Variants in TBC1D19 observed in about 807,000 individuals in gnomAD.
The protein encoded by TBC1D19 is TBC1 domain family member 19, also known as TBC1 domain family, member 19.
TBC1D19 carries 60 observed loss-of-function variants against 89.0 expected under a neutral mutation model. The observed-to-expected ratio is 0.67, with a 90% CI of 0.55 to 0.84. The LOEUF (loss-of-function observed/expected upper bound fraction) is 0.84. Among genes scored for constraint, TBC1D19 ranks in the 40% least tolerant of loss-of-function variants. The pLI is 0.00. For missense variants in TBC1D19, 500 were observed against 610.8 expected (o/e 0.82, Z 1.91); for synonymous variants, 189 against 199.7 (o/e 0.95, Z 0.45).
rs1741553460 is a variant in TBC1D19 at position 26,614,427 on chromosome 4, G to A, written c.192G>A (p.Gln64=). 6.3e-7 allele frequency: 1 copy of A among 1,593,394 alleles called. No individual in the cohort carries two copies. Among genetic ancestry groups the A allele is most frequent in the African/African-American group, 1.3e-5 (1 of 74,484 alleles). The change falls in exon 3 of 21, where the codon CAG becomes CAA. Residue 64 remains glutamine (Q), a synonymous_variant. Coordinates refer to ENST00000264866, the MANE Select transcript of TBC1D19 (RefSeq NM_018317.4). ...FKISGWEKKL[Q]NAVYSELSVF... ...AAACAGGTTGGGAGAAGAAACTTCA[G>A]AATGCTGTTTATAGTGAACTGAGTG...
chr4:26,687,376 T>C (rs1713902188), intron 12 of TBC1D19, among the ~76,000 whole-genome samples: 1 of 152,176 alleles, frequency 6.6e-6, no homozygotes, highest in Admixed American at 6.6e-5. Context: ...CAGCTAAAAG[T>C]AGTGGAACTG....
chr4:26,591,697 A>G (rs1423346878), intron 1 of TBC1D19, among the ~76,000 whole-genome samples: 3 of 152,202 alleles, frequency 2.0e-5, no homozygotes, highest in African/African-American at 7.2e-5. Context: ...CCATCAGAGA[A>G]TACTATAAAC....
intron 18 of TBC1D19, among the ~76,000 whole-genome samples, chr4:26,747,154 T>C (rs1234896499): frequency 6.6e-6 from 1 of 152,212 alleles, no homozygotes; most frequent in Non-Finnish European, 1.5e-5. Flanking sequence ...TGACTATACA[T>C]AAATTATAGC....
chr4:26,711,869 G>A (rs1186884106), intron 13 of TBC1D19, among the ~76,000 whole-genome samples: 1 of 152,008 alleles, frequency 6.6e-6, no homozygotes, highest in African/African-American at 2.4e-5. Context: ...AATAAGAGTT[G>A]GCAGCTCTTT....
At chr4:26,671,670 T>G (rs1712323098) in intron 9 of TBC1D19, among the ~76,000 whole-genome samples, 1 of 151,990 alleles carries the variant, frequency 6.6e-6, no homozygotes, top group Non-Finnish European at 1.5e-5. Context: ...TTAGATATGC[T>G]TTTATTAGAT....
rs376185140 is a variant in TBC1D19, at chr4:26,592,899, A to C, written c.99+8607A>C. On this transcript the variant is annotated intron_variant, in intron 1 of 20. Coordinates refer to ENST00000264866, the MANE Select transcript of TBC1D19 (RefSeq NM_018317.4). ...GGGTGGGAAGAATCAATATCATGAA[A>C]ATGGCCATACTGCCCAAGGTAATTT... Among the ~76,000 whole-genome samples the C allele has an allele frequency of 1.1e-3, 162 of 152,326 alleles. 1 individual carries two copies. The East Asian group carries it at 0.027, about 26-fold the overall frequency.
At chr4:26,607,915 A>T (rs1413985490) in intron 1 of TBC1D19, among the ~76,000 whole-genome samples, 1 of 152,196 alleles carries the variant, frequency 6.6e-6, no homozygotes, top group Non-Finnish European at 1.5e-5. Flanking sequence ...CAAGTGATGA[A>T]CCTTAATGCA....
chr4:26,854,873 G>A, the TBC1D19 span, among the ~76,000 whole-genome samples: 26 of 152,170 alleles, frequency 1.7e-4, no homozygotes, highest in Non-Finnish European at 2.9e-5. Flanking sequence ...CTGCTGTTCA[G>A]GGATCTGGCT....
chr4:26,679,353 A>G (rs933230555), intron 11 of TBC1D19, among the ~76,000 whole-genome samples: 5 of 152,208 alleles, frequency 3.3e-5, no homozygotes, highest in African/African-American at 4.8e-5. Context: ...ACTGCTTCAG[A>G]GGGTGCAAGC....
intron 12 of TBC1D19, among the ~76,000 whole-genome samples, chr4:26,688,016 G>GTT (rs745381325): frequency 2.6e-5 from 4 of 152,124 alleles, no homozygotes; most frequent in Non-Finnish European, 5.9e-5. Flanking sequence ...GGGCCAGATC[G>GTT]TTATGGTTGC....
At chr4:26,592,692 T>C (rs1334139644) in intron 1 of TBC1D19, among the ~76,000 whole-genome samples, 1 of 149,464 alleles carries the variant, frequency 6.7e-6, no homozygotes, top group Middle Eastern at 3.4e-3. Context: ...TATACACCAA[T>C]AACAGACAAA....
chr4:26,583,866 C>T (rs371369730), upstream of TBC1D19: 38 of 325,120 alleles, frequency 1.2e-4, 1 homozygote, highest in South Asian at 1.2e-3. Flanking sequence ...CTCCGTGTCC[C>T]CCTTGTGCAT....
chr4:26,763,793 G>A, the TBC1D19 span, among the ~76,000 whole-genome samples: 1 of 152,312 alleles, frequency 6.6e-6, no homozygotes, highest in East Asian at 1.9e-4. Context: ...TTCTGTTCTG[G>A]TGCTGACAGG....
At chr4:26,601,953 A>T (rs1470132600) in intron 1 of TBC1D19, among the ~76,000 whole-genome samples, 2 of 152,088 alleles carry the variant, frequency 1.3e-5, no homozygotes, top group Non-Finnish European at 2.9e-5. Context: ...CTCTGTTGTG[A>T]CATCTTTTCT....
intron 3 of TBC1D19, among the ~76,000 whole-genome samples, chr4:26,615,851 T>C (rs1044242955): frequency 1.3e-5 from 2 of 152,126 alleles, no homozygotes; most frequent in African/African-American, 4.8e-5. Flanking sequence ...AAATTTACAA[T>C]ATGTACTAAA....
chr4:26,809,940 TG>T, the TBC1D19 span, among the ~76,000 whole-genome samples: 1 of 152,220 alleles, frequency 6.6e-6, no homozygotes, highest in Admixed American at 6.5e-5. Flanking sequence ...TGAGCCCCAC[TG>T]CACCCTATCA....
chr4:26,689,453 ACTTTATTGTG>A (rs1438003635), intron 13 of TBC1D19, among the ~76,000 whole-genome samples: 2 of 152,140 alleles, frequency 1.3e-5, no homozygotes, highest in African/African-American at 4.8e-5. Context: ...GGTGTATCTC[ACTTTATTGTG>A]CTTTATTGTG....
At chr4:26,734,215 T>A (rs564207725) in intron 15 of TBC1D19, among the ~76,000 whole-genome samples, 7 of 152,300 alleles carry the variant, frequency 4.6e-5, no homozygotes, top group African/African-American at 1.7e-4. Context: ...TTGTAATGAG[T>A]TGCATTGGGA....
At chr4:26,699,198 T>C (rs76231753) in intron 13 of TBC1D19, among the ~76,000 whole-genome samples, 148,455 of 152,258 alleles carry the variant, frequency 0.98, 72,470 homozygotes, top group East Asian at 1. Context: ...AAAAAGTGGG[T>C]GGAGGATATG....
Sources: allele counts gnomAD v4.1 joint callset (sites outside exome capture counted in the v4.1 genomes callset), GRCh38; gene constraint gnomAD v4.1.1; transcripts MANE v1.5; gene names NCBI Gene and HGNC (gene_info 2026-07-23, HGNC 2026-07-21).